The following ZFAND2B variants were observed in gnomAD, a reference collection of about 807,000 sequenced individuals.
The protein encoded by ZFAND2B is AN1-type zinc finger protein 2B.
A neutral mutation model predicts 38.2 loss-of-function variants in ZFAND2B; 27 were observed. That is an observed-to-expected ratio of 0.71 (90% CI 0.52 to 0.97). The LOEUF (loss-of-function observed/expected upper bound fraction) is 0.97, where lower values mean the gene tolerates loss of function less well. Among genes scored for constraint, ZFAND2B ranks in the 50% least tolerant of loss-of-function variants. The probability of loss-of-function intolerance (pLI) is 0.00; values close to 1 mark genes in which losing one functional copy is unlikely to be tolerated. For missense variants in ZFAND2B, 303 were observed against 331.5 expected, an observed-to-expected ratio of 0.91 and a Z score of 0.67; for synonymous variants, 111 against 119.4, an observed-to-expected ratio of 0.93 and a Z score of 0.46.
At chr2:219,207,265 T>A (rs1345605781) in intron 1 of ZFAND2B, 62 bp from the exon 2 acceptor site, 2 of 1,558,128 alleles carry the variant, frequency 1.3e-6, no homozygotes, top group Non-Finnish European at 1.8e-6. Flanking sequence ...AGTGGAAGAC[T>A]TGAGTGAGAG....
rs1221814357 is a variant in ZFAND2B at position 219,209,335 on chromosome 2, C to T, written c.*29C>T. On this transcript the variant is annotated 3_prime_UTR_variant, in exon 9 of 9. Coordinates refer to ENST00000289528, the MANE Select transcript of ZFAND2B (RefSeq NM_138802.3). ...CCTGGGCTTGGGGAGGGAGGTTCACCTGAGGAGGACTGTGGCCCTCACACC... is the reference window on the plus strand; with the variant it reads ...CCTGGGCTTGGGGAGGGAGGTTCACTTGAGGAGGACTGTGGCCCTCACACC... The T allele has an allele frequency of 4.4e-6, 7 of 1,605,312 alleles. No homozygotes were observed. The highest frequency in any genetic ancestry group is 3.4e-5 in the Admixed American group (2 of 58,348).
intron 8 of ZFAND2B, 22 bp from the exon 9 acceptor site, chr2:219,209,240 C>A (rs767550337): frequency 1.2e-6 from 2 of 1,600,852 alleles, no homozygotes; most frequent in East Asian, 2.2e-5. Context: ...GTCTTCCCCT[C>A]CTTCCCCTCT....
rs971900038 is a variant in ZFAND2B, at chr2:219,209,127, CAG to C, written c.729+81_729+82del. The C allele has an allele frequency of 1.3e-4, 214 of 1,593,758 alleles. No homozygotes were observed. The African/African-American group carries it at 2.3e-3, about 17-fold the overall frequency. On this transcript the variant is annotated intron_variant, in intron 8 of 8. Coordinates refer to ENST00000289528, the MANE Select transcript of ZFAND2B (RefSeq NM_138802.3). Reference sequence around the variant, plus strand: ...GGGATGGGGGTTCTTCCTAGTGGTGCAGAGTTTTGGAATGGTGGTTATCGTCT... The same window carrying C: ...GGGATGGGGGTTCTTCCTAGTGGTGCAGTTTTGGAATGGTGGTTATCGTCT...
chr2:219,206,993 GT>G lies in ZFAND2B; in HGVS notation c.9del (p.Pro4ArgfsTer107). MEFPDLGAHCSEP... is the reference protein window; with the variant it reads MEXPDLGAHCSEP... Reference sequence around the variant, plus strand: ...AGACCCTGCCCGGCTTGGCGATGGAGTTTCCGGACCTCGGCGCTCACTGTTC... The same window carrying G: ...AGACCCTGCCCGGCTTGGCGATGGAGTTCCGGACCTCGGCGCTCACTGTTC... On this transcript the variant is annotated frameshift_variant, in exon 1 of 9. Transcript: ENST00000289528. LOFTEE classifies it high-confidence loss of function. 1 of 1,612,566 alleles carries G rather than the reference GT, an allele frequency of 6.2e-7. No individual in the cohort carries two copies. The highest frequency in any genetic ancestry group is 8.5e-7 in the Non-Finnish European group (1 of 1,179,492).
chr2:219,208,239 A>G lies in ZFAND2B; in HGVS notation c.435-17A>G. 3 of 1,613,840 alleles carry G rather than the reference A, an allele frequency of 1.9e-6. No homozygotes were observed. In the South Asian group the frequency reaches 3.3e-5, roughly 18 times the overall value. On this transcript the variant is annotated splice_polypyrimidine_tract_variant and intron_variant, in intron 4 of 8. Transcript: ENST00000289528. Reference sequence around the variant, plus strand: ...GCTAGTTCTTGGAGACATGCCAAAAATCTCTCTTCCCTACAGACTTGCTGC... The same window carrying G: ...GCTAGTTCTTGGAGACATGCCAAAAGTCTCTCTTCCCTACAGACTTGCTGC...
intron 7 of ZFAND2B, 149 bp from the exon 8 acceptor site, chr2:219,208,828 G>A (rs1046791391): frequency 9.6e-6 from 10 of 1,043,690 alleles, no homozygotes; most frequent in Middle Eastern, 2.1e-4. Context: ...ATAAAACGGG[G>A]ACAATACTAA....
rs1224385190 is a variant in ZFAND2B, at chr2:219,207,916, C to T, written c.312C>T (p.Gly104=). 1 of 1,614,148 alleles carries T rather than the reference C, an allele frequency of 6.2e-7. No homozygotes were observed. The highest frequency in any genetic ancestry group is 1.3e-5 in the African/African-American group (1 of 75,034). The change falls in exon 4 of 9, where the codon GGC becomes GGT. Residue 104 remains glycine, a synonymous_variant. Coordinates refer to ENST00000289528, the MANE Select transcript of ZFAND2B (RefSeq NM_138802.3). ...KIFTNKCERA[G]CRQREMMKLT... is the part of the protein sequence containing the mutation. ...TCACCAATAAGTGTGAACGCGCTGG[C>T]TGCCGGCAGCGAGAAATGATGAAAC...
Position 219,207,367 on chromosome 2 carries a change from C to T in ZFAND2B, c.96C>T (p.Phe32=), listed in dbSNP as rs763617906. 1.2e-6 allele frequency: 2 copies of T among 1,613,498 alleles called. No homozygotes were observed. Among genetic ancestry groups the T allele is most frequent in the Non-Finnish European group, 1.7e-6 (2 of 1,179,416 alleles). ...AGTGTGATGCCTGCTCAGGCATCTT[C>T]TGCGCAGACCATGTGGCCTACGCCC... ...PLKCDACSGI[F]CADHVAYAQH... is the part of the protein sequence containing the mutation. Residue 32 remains phenylalanine, a synonymous_variant, in exon 2 of 9, where the codon TTC becomes TTT. Coordinates refer to ENST00000289528, the MANE Select transcript of ZFAND2B (RefSeq NM_138802.3).
At chr2:219,209,219 C>T (rs747358344) in intron 8 of ZFAND2B, 43 bp from the exon 9 acceptor site, 24 of 1,588,826 alleles carry the variant, frequency 1.5e-5, no homozygotes, top group Admixed American at 3.5e-5. Flanking sequence ...ATTTCCTTGA[C>T]GTTGCACTGT....
Position 219,207,962 on chromosome 2 carries a change from C to G in ZFAND2B, c.358C>G (p.Arg120Gly), listed in dbSNP as rs535919706. The G allele has an allele frequency of 2.2e-5, 35 of 1,614,070 alleles. 1 individual carries two copies. In the East Asian group the frequency reaches 4.5e-4, roughly 21 times the overall value. ...GAAACTGACCTGTGAACGCTGTAGC[C>G]GAAACTTCTGCATCAAGCACCGGCA... ...MMKLTCERCS[R>G]NFCIKHRHPL... is the part of the protein sequence containing the mutation. The change falls in exon 4 of 9, where the codon CGA becomes GGA. Residue 120 changes from arginine to glycine, a missense_variant. Transcript: ENST00000289528.
In ZFAND2B at chr2:219,209,366, G is replaced by C. The variant is rs757870024; in HGVS notation, c.*60G>C. ...AGGACTGTGGCCCTCACACCTCTAG[G>C]GTACACAGGGAGAGGAGGCCCGGAG... On this transcript the variant is annotated 3_prime_UTR_variant, in exon 9 of 9. Coordinates refer to ENST00000289528, the MANE Select transcript of ZFAND2B (RefSeq NM_138802.3). 7.6e-6 allele frequency: 12 copies of C among 1,582,794 alleles called. No individual in the cohort carries two copies. The highest frequency in any genetic ancestry group is 1.0e-5 in the Non-Finnish European group (12 of 1,162,366).
Position 219,207,910 on chromosome 2 carries a change from C to T in ZFAND2B, c.306C>T (p.Arg102=), listed in dbSNP as rs1327326105. 6.2e-7 allele frequency: 1 copy of T among 1,614,122 alleles called. No homozygotes were observed. The highest frequency in any genetic ancestry group is 1.1e-5 in the South Asian group (1 of 91,078). ...AGATCTTCACCAATAAGTGTGAACGCGCTGGCTGCCGGCAGCGAGAAATGA... is the reference window on the plus strand; with the variant it reads ...AGATCTTCACCAATAAGTGTGAACGTGCTGGCTGCCGGCAGCGAGAAATGA... ...KRKIFTNKCE[R]AGCRQREMMK... The change falls in exon 4 of 9, where the codon CGC becomes CGT. Residue 102 remains arginine, a synonymous_variant. Coordinates refer to ENST00000289528, the MANE Select transcript of ZFAND2B (RefSeq NM_138802.3).
chr2:219,209,296 G>C lies in ZFAND2B; in HGVS notation c.764G>C (p.Ser255Thr). ...CGCAGCTCGAAGCCGTCCAACTGCA[G>C]CCTGTGCTAGGGCCCTGGGCTTGGG... Reference protein sequence around the residue: ...QSRSSKPSNCSLC With the variant: ...QSRSSKPSNCTLC Residue 255 changes from serine (S) to threonine (T), a missense_variant, in exon 9 of 9, where the codon AGC (serine) becomes ACC (threonine). Physicochemically the swap from Ser to Thr is moderately conservative, Grantham distance 58. Coordinates refer to ENST00000289528, the MANE Select transcript of ZFAND2B (RefSeq NM_138802.3). 6.2e-7 allele frequency: 1 copy of C among 1,611,070 alleles called. No homozygotes were observed. Among genetic ancestry groups the C allele is most frequent in the Non-Finnish European group, 8.5e-7 (1 of 1,179,138 alleles).
At chr2:219,209,203 T>C in intron 8 of ZFAND2B, 59 bp from the exon 9 acceptor site, 3 of 1,567,208 alleles carry the variant, frequency 1.9e-6, no homozygotes, top group Non-Finnish European at 2.6e-6. Flanking sequence ...ATGAGGGCTG[T>C]CCCTCATTTC....
chr2:219,209,396 C>G lies in ZFAND2B; in HGVS notation c.*90C>G, dbSNP rs1228461514. The G allele has an allele frequency of 3.2e-5, 48 of 1,491,982 alleles. No individual in the cohort carries two copies. The highest frequency in any genetic ancestry group is 4.1e-5 in the Non-Finnish European group (45 of 1,087,202). 92.4% of individuals were successfully genotyped at this position (1,491,982 alleles called of 1,614,324 possible). The stretch of plus-strand genomic sequence containing the variant: ...ACAGGGAGAGGAGGCCCGGAGCACC[C>G]TGGAGGGCAGAGACAAGCGGGAGTG... On this transcript the variant is annotated 3_prime_UTR_variant, in exon 9 of 9. Coordinates refer to ENST00000289528, the MANE Select transcript of ZFAND2B (RefSeq NM_138802.3).
In ZFAND2B at chr2:219,207,765, C is replaced by G. The variant is rs1412019808; in HGVS notation, c.268C>G (p.Gln90Glu). 1.2e-6 allele frequency: 2 copies of G among 1,614,148 alleles called. No homozygotes were observed. Among genetic ancestry groups the G allele is most frequent in the South Asian group, 1.1e-5 (1 of 91,088 alleles). The change falls in exon 3 of 9, where the codon CAG becomes GAG. Residue 90 changes from glutamine (Q) to glutamate (E), a missense_variant. Physicochemically the swap from Gln to Glu is conservative, Grantham distance 29. Transcript: ENST00000289528. The part of the protein sequence containing the change: ...IDRDCRSDPA[Q>E]QKRKIFTNKC... ...CAGAGACTGTCGCTCTGATCCAGCA[C>G]AGCAAAAACGTAAGGTAAACATTGT...
At chr2:219,208,128 C>G (rs1245267003) in intron 4 of ZFAND2B, 90 bp downstream of exon 4, 5 of 1,604,694 alleles carry the variant, frequency 3.1e-6, no homozygotes, top group Admixed American at 3.4e-5. Context: ...GGAGCTTCAA[C>G]CCTACCCTGT....
intron 4 of ZFAND2B, 105 bp downstream of exon 4, chr2:219,208,143 T>C (rs1950517305): frequency 6.3e-7 from 1 of 1,596,912 alleles, no homozygotes. Context: ...CCCTGTCGGC[T>C]AGGGGAGTCT....
Position 219,209,442 on chromosome 2 carries a change from G to A in ZFAND2B, c.*136G>A, listed in dbSNP as rs774514048. On this transcript the variant is annotated 3_prime_UTR_variant, in exon 9 of 9. Transcript: ENST00000289528. The stretch of plus-strand genomic sequence containing the variant: ...GAGTGATGTGGAGGTCGCCCTGGGA[G>A]CCTCTGGAAGGCCTTGCTAGTGCTC... The A allele has an allele frequency of 7.5e-6, 8 of 1,065,622 alleles. 1 individual carries two copies. The South Asian group carries it at 1.1e-4, about 14-fold the overall frequency. 66.0% of individuals were successfully genotyped at this position (1,065,622 alleles called of 1,614,324 possible). A position where few individuals can be genotyped will look rare whatever the true frequency, so the allele number is the denominator to read the frequency against.
Sources: allele counts gnomAD v4.1 joint callset, GRCh38; gene constraint gnomAD v4.1.1; transcripts MANE v1.5; gene names NCBI Gene and HGNC (gene_info 2026-07-23, HGNC 2026-07-21).